CDK6: variants seen among roughly 807,000 people sequenced by gnomAD.
CDK6 encodes the protein cyclin dependent kinase 6.
A neutral mutation model predicts 37.1 loss-of-function variants in CDK6; 6 were observed. The observed-to-expected ratio is 0.16, with a 90% CI of 0.09 to 0.32. The LOEUF is 0.32. Ranked by LOEUF, CDK6 falls within the 10% of genes least tolerant of loss-of-function variation. The pLI is 1.00. For synonymous variants in CDK6, 160 were observed against 161.3 expected (o/e 0.99, Z 0.06); for missense variants, 224 against 418.9 (o/e 0.53, Z 4.06).
intron 4 of CDK6, among the ~76,000 whole-genome samples, chr7:92,675,229 T>C (rs1044926964): frequency 3.9e-5 from 6 of 152,210 alleles, no homozygotes; most frequent in South Asian, 2.1e-4. Context: ...CCTATTATGA[T>C]AAATAAATGT....
chr7:92,604,991 A>G lies in CDK6; in HGVS notation c.*10149T>C, dbSNP rs1795393638. ...TACTCATTTTACATTAAAGTAAAAA[A>G]GAAAATAGCCAGGAGAGTAATTCAT... On this transcript the variant is annotated 3_prime_UTR_variant, in exon 8 of 8. Transcript: ENST00000424848. 4.4e-6 allele frequency: 1 copy of G among 227,344 alleles called. No homozygotes were observed. Among genetic ancestry groups the G allele is most frequent in the African/African-American group, 2.2e-5 (1 of 45,054 alleles). The allele number at this position is 227,344 out of a possible 1,614,324, so 14.1% of individuals were successfully genotyped here.
chr7:92,778,108 A>G (rs1404859657), intron 2 of CDK6, among the ~76,000 whole-genome samples: 2 of 151,940 alleles, frequency 1.3e-5, no homozygotes, highest in African/African-American at 4.8e-5. Context: ...AAAAACCAAA[A>G]CCAAAAACAA....
At chr7:92,790,425 G>A (rs898739872) in intron 2 of CDK6, among the ~76,000 whole-genome samples, 8 of 152,120 alleles carry the variant, frequency 5.3e-5, no homozygotes, top group Admixed American at 1.3e-4. Flanking sequence ...TGGTCAGTGA[G>A]CCTTCCACAG....
At chr7:92,662,657 T>C (rs1243566285) in intron 5 of CDK6, among the ~76,000 whole-genome samples, 1 of 152,166 alleles carries the variant, frequency 6.6e-6, no homozygotes, top group Non-Finnish European at 1.5e-5. Context: ...ATGCAGCTGC[T>C]GAGTCAATCA....
intron 3 of CDK6, among the ~76,000 whole-genome samples, chr7:92,744,661 G>C (rs967132997): frequency 7.2e-5 from 11 of 152,208 alleles, no homozygotes; most frequent in African/African-American, 2.7e-4. Flanking sequence ...TAATATGCAT[G>C]TGTGTAACTG....
At chr7:92,625,398 A>G (rs1326443848) in intron 5 of CDK6, among the ~76,000 whole-genome samples, 3 of 152,076 alleles carry the variant, frequency 2.0e-5, no homozygotes, top group Non-Finnish European at 4.4e-5. Flanking sequence ...CTCTGGGGTC[A>G]CTAAATATTG....
chr7:92,771,074 T>G (rs1266993706), intron 3 of CDK6, among the ~76,000 whole-genome samples: 1 of 151,712 alleles, frequency 6.6e-6, no homozygotes, highest in Non-Finnish European at 1.5e-5. Flanking sequence ...CAGTCTCTAC[T>G]AAAAATACAA....
rs570424375 is a variant in CDK6 at position 92,673,327 on chromosome 7, T to C, written c.538-1792A>G. Among the ~76,000 whole-genome samples, 23 of 152,310 alleles carry C rather than the reference T, an allele frequency of 1.5e-4. No homozygotes were observed. The South Asian group carries it at 4.6e-3, about 30-fold the overall frequency. ...TAGATGATTATATGGCAACATCAAA[T>C]TGGAAAAAGATTCTTGACAGGTTCC... On this transcript the variant is annotated intron_variant, in intron 4 of 7. Coordinates refer to ENST00000424848, the MANE Select transcript of CDK6 (RefSeq NM_001145306.2).
chr7:92,784,720 T>C (rs1800080125), intron 2 of CDK6, among the ~76,000 whole-genome samples: 1 of 152,200 alleles, frequency 6.6e-6, no homozygotes, highest in Non-Finnish European at 1.5e-5. Context: ...CTTAAACTAG[T>C]GGTGCCTCTT....
At chr7:92,829,773 T>A (rs917856858) in intron 2 of CDK6, among the ~76,000 whole-genome samples, 2 of 152,212 alleles carry the variant, frequency 1.3e-5, no homozygotes, top group African/African-American at 2.4e-5. Flanking sequence ...GGTAACCGAA[T>A]TATCAGAAAT....
intron 2 of CDK6, among the ~76,000 whole-genome samples, chr7:92,815,886 TCA>T (rs1801016435): frequency 6.6e-6 from 1 of 151,964 alleles, no homozygotes; most frequent in Non-Finnish European, 1.5e-5. Context: ...ATTCCAGAGC[TCA>T]CAGAGGGCAG....
rs552787439 is a variant in CDK6, at chr7:92,726,122, T to C, written c.370-329A>G. Reference sequence around the variant, plus strand: ...GCTGGGGAGAGGAAGGAGGAGGTCGTGAGGGGACACTTTTTGCTTCTCTAT... The same window carrying C: ...GCTGGGGAGAGGAAGGAGGAGGTCGCGAGGGGACACTTTTTGCTTCTCTAT... On this transcript the variant is annotated intron_variant, in intron 3 of 7. Transcript: ENST00000424848. 6.6e-5 allele frequency among the ~76,000 whole-genome samples: 10 copies of C among 152,258 alleles called. No individual in the cohort carries two copies. The South Asian group carries it at 2.1e-3, about 32-fold the overall frequency.
chr7:92,811,025 C>A (rs1242840909), intron 2 of CDK6, among the ~76,000 whole-genome samples: 1 of 151,828 alleles, frequency 6.6e-6, no homozygotes, highest in African/African-American at 2.4e-5. Flanking sequence ...GAGATCGCGC[C>A]CGGTGACAGA....
At chr7:92,742,442 A>G (rs1798946803) in intron 3 of CDK6, among the ~76,000 whole-genome samples, 2 of 152,226 alleles carry the variant, frequency 1.3e-5, no homozygotes, top group South Asian at 2.1e-4. Context: ...AGTGTCAGAC[A>G]TGACACTTGC....
chr7:92,609,956 TAG>T lies in CDK6; in HGVS notation c.*5182_*5183del, dbSNP rs1264014121. On this transcript the variant is annotated 3_prime_UTR_variant, in exon 8 of 8. Transcript: ENST00000424848. ...AAAATATTGAAGTTACAGAACATTA[TAG>T]AGACTATTAATCATCCCAAAAAACA... is the stretch of plus-strand genomic sequence containing the variant. The T allele has an allele frequency of 1.3e-5, 3 of 230,046 alleles. No homozygotes were observed. The highest frequency in any genetic ancestry group is 5.7e-5 in the Admixed American group (1 of 17,694). The allele number at this position is 230,046 out of a possible 1,614,324, so 14.3% of individuals were successfully genotyped here.
chr7:92,830,275 C>T (rs1801440305), intron 2 of CDK6, among the ~76,000 whole-genome samples: 1 of 152,190 alleles, frequency 6.6e-6, no homozygotes, highest in Non-Finnish European at 1.5e-5. Flanking sequence ...GCAGGCAGTA[C>T]CAGTGCCAGC....
chr7:92,797,167 T>C lies in CDK6; in HGVS notation c.234-22336A>G, dbSNP rs1292779771. Among the ~76,000 whole-genome samples, 10 of 152,110 alleles carry C rather than the reference T, an allele frequency of 6.6e-5. 1 individual carries two copies. The highest frequency in any genetic ancestry group is 6.6e-4 in the Admixed American group (10 of 15,258). On this transcript the variant is annotated intron_variant, in intron 2 of 7. Coordinates refer to ENST00000424848, the MANE Select transcript of CDK6 (RefSeq NM_001145306.2). Reference sequence around the variant, plus strand: ...ATAGGTGAGAGTTTGTGAATGAAACTTCCTCTCCTACAGCCAAAATGGATG... The same window carrying C: ...ATAGGTGAGAGTTTGTGAATGAAACCTCCTCTCCTACAGCCAAAATGGATG...
chr7:92,658,912 A>G (rs992136081), intron 5 of CDK6, among the ~76,000 whole-genome samples: 1 of 152,178 alleles, frequency 6.6e-6, no homozygotes, highest in African/African-American at 2.4e-5. Context: ...AAGTAAGGAC[A>G]TATTGAGGAT....
At chr7:92,672,519 T>C (rs1468860337) in intron 4 of CDK6, among the ~76,000 whole-genome samples, 1 of 151,024 alleles carries the variant, frequency 6.6e-6, no homozygotes, top group African/African-American at 2.4e-5. Flanking sequence ...TAGTAATAGA[T>C]GAAACAAACA....
Sources: gnomAD v4.1 joint callset for allele counts (sites outside exome capture counted in the v4.1 genomes callset) on GRCh38, gnomAD v4.1.1 for gene constraint, MANE v1.5 for transcripts, NCBI Gene and HGNC (gene_info 2026-07-23, HGNC 2026-07-21) for gene names.